The following NRXN2 variants were observed in gnomAD, a reference collection of about 807,000 sequenced individuals.
NRXN2 encodes the protein neurexin 2.
Under a neutral mutation model 128.8 loss-of-function variants are expected in NRXN2, and 29 were observed. The observed-to-expected ratio is 0.23, with a 90% CI of 0.17 to 0.31. The LOEUF is 0.31. Ranked by LOEUF, NRXN2 falls within the 10% of genes least tolerant of loss-of-function variation. The pLI, the probability that NRXN2 is intolerant of heterozygous loss-of-function variation, is 1.00. For synonymous variants in NRXN2, 1,098 were observed against 1,075.2 expected (o/e 1.02, Z -0.41); for missense variants, 1,881 against 2,452.6 (o/e 0.77, Z 4.92).
At chr11:64,689,649 G>A (rs927490284) in intron 5 of NRXN2, among the ~76,000 whole-genome samples, 4 of 152,208 alleles carry the variant, frequency 2.6e-5, no homozygotes, top group African/African-American at 7.2e-5. Context: ...ACAGTGTGAT[G>A]AGCCTTCTAG....
At chr11:64,661,947 G>A (rs76957375) in intron 9 of NRXN2, among the ~76,000 whole-genome samples, 50 of 152,230 alleles carry the variant, frequency 3.3e-4, no homozygotes, top group Non-Finnish European at 7.1e-4. Flanking sequence ...AGGTAGAAGA[G>A]TTCTTCAGAA....
intron 7 of NRXN2, among the ~76,000 whole-genome samples, chr11:64,669,753 A>G (rs2050375414): frequency 6.6e-6 from 1 of 152,244 alleles, no homozygotes; most frequent in Non-Finnish European, 1.5e-5. Flanking sequence ...GCCAAGGGCT[A>G]TGAGACCACG....
intron 6 of NRXN2, among the ~76,000 whole-genome samples, chr11:64,684,986 A>T (rs1289655515): frequency 6.6e-6 from 1 of 152,194 alleles, no homozygotes; most frequent in Non-Finnish European, 1.5e-5. Flanking sequence ...TGAAAGAAAG[A>T]GAAGGAAAAG....
intron 1 of NRXN2, among the ~76,000 whole-genome samples, chr11:64,715,853 A>T (rs2057289501): frequency 6.6e-6 from 1 of 152,124 alleles, no homozygotes; most frequent in Non-Finnish European, 1.5e-5. Flanking sequence ...GGTAATGGAG[A>T]TAATTAACAT....
intron 12 of NRXN2, among the ~76,000 whole-genome samples, chr11:64,653,338 T>G (rs2047754035): frequency 6.6e-6 from 1 of 152,050 alleles, no homozygotes; most frequent in African/African-American, 2.4e-5. Context: ...TCCCTGCCAG[T>G]CCATAGGACC....
At chr11:64,615,825 C>T (rs1026521892) in intron 22 of NRXN2, among the ~76,000 whole-genome samples, 8 of 139,900 alleles carry the variant, frequency 5.7e-5, no homozygotes, top group Non-Finnish European at 9.1e-5. Flanking sequence ...AATGTAGGCC[C>T]AAGCGTGTGT....
chr11:64,650,080 C>T (rs996054797), intron 15 of NRXN2, among the ~76,000 whole-genome samples: 82 of 152,088 alleles, frequency 5.4e-4, no homozygotes, highest in Non-Finnish European at 1.2e-3. Flanking sequence ...GTCTACCTCA[C>T]CCAGGAGGAT....
In NRXN2 at chr11:64,639,486, C is replaced by T. The variant is rs2045327566; in HGVS notation, c.3404-4034G>A. On this transcript the variant is annotated intron_variant, in intron 17 of 22. Coordinates refer to ENST00000265459, the MANE Select transcript of NRXN2 (RefSeq NM_015080.4). ...CACTCCATTCCTGGCCCGACAGTAC[C>T]AGAAATGAACACGGTGGGGTGGGAG... 2.6e-5 allele frequency among the ~76,000 whole-genome samples: 4 copies of T among 152,204 alleles called. No individual in the cohort carries two copies. The South Asian group carries it at 8.3e-4, about 32-fold the overall frequency.
chr11:64,659,767 GA>G (rs1198452711), intron 11 of NRXN2: 1 of 164,658 alleles, frequency 6.1e-6, no homozygotes, highest in Non-Finnish European at 1.3e-5. Flanking sequence ...CATGGCACTA[GA>G]AACGGGAAGA....
At position 64,660,941 on chromosome 11, in the gene NRXN2, C is replaced by T. The variant is rs201454507; in HGVS notation, c.1997G>A (p.Arg666His). 74 of 1,613,718 alleles carry T rather than the reference C, an allele frequency of 4.6e-5. No homozygotes were observed. Among genetic ancestry groups the T allele is most frequent in the Non-Finnish European group, 5.7e-5 (67 of 1,179,964 alleles). Residue 666 changes from arginine (R) to histidine (H), a missense_variant, in exon 10 of 23, where the codon CGT (arginine) becomes CAT (histidine). Arg to His is a conservative substitution (Grantham distance 29). This residue lies in a region of NRXN2 where 997 missense variants were observed against 1,240.8 expected (regional missense o/e 0.80). Transcript: ENST00000265459. This position sits in a 1 kb window ranked among gnomAD's most constrained non-coding sequence, Gnocchi z 5.2. ...GCVRDLFIDG[R>H]SRDLRGLAEA... is the part of the protein sequence containing the mutation. ...AGCCAGGCCCCGGAGGTCTCGGCTA[C>T]GCCCATCTATGAAGAGGTCCCGCAC...
At chr11:64,685,258 C>T (rs1367314213) in intron 6 of NRXN2, among the ~76,000 whole-genome samples, 1 of 152,194 alleles carries the variant, frequency 6.6e-6, no homozygotes, top group Non-Finnish European at 1.5e-5. Context: ...CTCCCCACCC[C>T]CTGGCACCCA....
chr11:64,651,689 G>T lies in NRXN2; in HGVS notation c.2537-53C>A. ...GGGGATGGCTTTGGGGCAGGGCTGGGGCTTGGGTTCCCAGGAGCCTCCCCT... is the reference window on the plus strand; with the variant it reads ...GGGGATGGCTTTGGGGCAGGGCTGGTGCTTGGGTTCCCAGGAGCCTCCCCT... On this transcript the variant is annotated intron_variant, in intron 13 of 22. Coordinates refer to ENST00000265459, the MANE Select transcript of NRXN2 (RefSeq NM_015080.4). The surrounding 1 kb of genome is among the most constrained non-coding windows in gnomAD (Gnocchi z 5.9). The T allele has an allele frequency of 6.2e-7, 1 of 1,602,244 alleles. No homozygotes were observed.
chr11:64,682,457 T>C (rs1392934998), intron 6 of NRXN2, among the ~76,000 whole-genome samples: 1 of 151,860 alleles, frequency 6.6e-6, no homozygotes. Flanking sequence ...GACTCCATCC[T>C]CGGGGACCAC....
In NRXN2 at chr11:64,705,352, G is replaced by A. The variant is rs564315524; in HGVS notation, c.731-7560C>T. On this transcript the variant is annotated intron_variant, in intron 2 of 22. Transcript: ENST00000265459. ...TCTCTTTGACCCTCTGTAAAATGGA[G>A]AAAGTTATTCTCATGTGGTGATCAT... Among the ~76,000 whole-genome samples the A allele has an allele frequency of 1.4e-4, 21 of 152,240 alleles. No homozygotes were observed. In the South Asian group the frequency reaches 4.4e-3, roughly 32 times the overall value.
At chr11:64,668,298 T>C in intron 8 of NRXN2, 145 bp downstream of exon 8, 8 of 1,016,038 alleles carry the variant, frequency 7.9e-6, no homozygotes, top group Non-Finnish European at 1.2e-5. Context: ...CAGTGGGCCT[T>C]AGGTTTTAAA....
chr11:64,697,008 CAG>C (rs1332777729), intron 3 of NRXN2, among the ~76,000 whole-genome samples: 2 of 152,158 alleles, frequency 1.3e-5, no homozygotes, highest in African/African-American at 4.8e-5. Flanking sequence ...GGTCCAGGGA[CAG>C]AGTCTTGGAG....
chr11:64,634,744 G>A lies in NRXN2; in HGVS notation c.3585+527C>T, dbSNP rs558827205. ...GGGCTGCTGGGAGGGCAAAGGTCAC[G>A]GAAGCAGAAGTCAAGGGCAGCATAG... On this transcript the variant is annotated intron_variant, in intron 18 of 22. Transcript: ENST00000265459. Among the ~76,000 whole-genome samples, 16 of 152,250 alleles carry A rather than the reference G, an allele frequency of 1.1e-4. No homozygotes were observed. The South Asian group carries it at 3.3e-3, about 32-fold the overall frequency.
At chr11:64,657,619 C>T (rs905632722) in intron 11 of NRXN2, among the ~76,000 whole-genome samples, 6 of 152,150 alleles carry the variant, frequency 3.9e-5, no homozygotes, top group Non-Finnish European at 7.3e-5. Flanking sequence ...GAGAGAGAGA[C>T]TCAGAGATGG....
rs568552364 is a variant in NRXN2 at position 64,632,102 on chromosome 11, G to T, written c.3586-1529C>A. Reference sequence around the variant, plus strand: ...GAGGCTTGGTGGCACTGGGGGTGTTGGCAGGGGTGGCTCACAGATGGGGCA... The same window carrying T: ...GAGGCTTGGTGGCACTGGGGGTGTTTGCAGGGGTGGCTCACAGATGGGGCA... On this transcript the variant is annotated intron_variant, in intron 18 of 22. Coordinates refer to ENST00000265459, the MANE Select transcript of NRXN2 (RefSeq NM_015080.4). This position sits in a 1 kb window ranked among gnomAD's most constrained non-coding sequence, Gnocchi z 4.2. 1.1e-4 allele frequency among the ~76,000 whole-genome samples: 16 copies of T among 152,344 alleles called. No individual in the cohort carries two copies. The highest frequency in any genetic ancestry group is 6.5e-4 in the Admixed American group (10 of 15,312).
Sources: allele counts gnomAD v4.1 joint callset (sites outside exome capture counted in the v4.1 genomes callset), GRCh38; gene constraint gnomAD v4.1.1; regional missense constraint gnomAD v4.1.1; non-coding constraint Gnocchi (gnomAD v3.1); transcripts MANE v1.5; gene names NCBI Gene and HGNC (gene_info 2026-07-23, HGNC 2026-07-21).